The following KAZN variants were observed in gnomAD, a reference collection of about 807,000 sequenced individuals.
KAZN encodes kazrin.
In KAZN, 40 loss-of-function variants were observed where a neutral mutation model predicts 87.4. The observed-to-expected ratio is 0.46, with a 90% CI of 0.36 to 0.60. The LOEUF (loss-of-function observed/expected upper bound fraction) is 0.60, where lower values mean the gene tolerates loss of function less well. Among genes scored for constraint, KAZN ranks in the 20% least tolerant of loss-of-function variants. The pLI, the probability that KAZN is intolerant of heterozygous loss-of-function variation, is 0.00. For missense variants in KAZN, 898 were observed against 1,073.9 expected (o/e 0.84, Z 2.29); for synonymous variants, 466 against 458.3 (o/e 1.02, Z -0.22).
At position 15,096,081 on chromosome 1, in the gene KAZN, C is replaced by T. The variant is rs1199321289; in HGVS notation, c.1547+1148C>T. Among the ~76,000 whole-genome samples, 1 of 152,122 alleles carries T rather than the reference C, an allele frequency of 6.6e-6. No individual in the cohort carries two copies. Among genetic ancestry groups the T allele is most frequent in the Non-Finnish European group, 1.5e-5 (1 of 68,022 alleles). ...TCCCAAAAACACCTTACACCCAGCA[C>T]CCACCTCCTAACCAGTTCCATCCAG... On this transcript the variant is annotated intron_variant, in intron 10 of 14. Coordinates refer to ENST00000376030, the MANE Select transcript of KAZN (RefSeq NM_201628.3). The surrounding 1 kb of genome is among the most constrained non-coding windows in gnomAD (Gnocchi z 4.5).
intron 2 of KAZN, among the ~76,000 whole-genome samples, chr1:14,544,614 G>A (rs1488818815): frequency 1.3e-5 from 2 of 151,826 alleles, no homozygotes; most frequent in Non-Finnish European, 2.9e-5. Context: ...TGTGCCAGAG[G>A]TGGTATGGGC....
chr1:14,384,712 G>C (rs76976235), intron 2 of KAZN, among the ~76,000 whole-genome samples: 45,965 of 149,556 alleles, frequency 0.31, 7,845 homozygotes, highest in East Asian at 0.71. Context: ...GCTGGATTCG[G>C]TTTGCCAGTA....
Position 14,729,856 on chromosome 1 carries a change from GA to G in KAZN, c.226+130639del, listed in dbSNP as rs914257138. Among the ~76,000 whole-genome samples, 3 of 151,992 alleles carry G rather than the reference GA, an allele frequency of 2.0e-5. No homozygotes were observed. The East Asian group carries it at 5.8e-4, about 29-fold the overall frequency. On this transcript the variant is annotated intron_variant, in intron 1 of 14. Coordinates refer to ENST00000376030, the MANE Select transcript of KAZN (RefSeq NM_201628.3). Reference sequence around the variant, plus strand: ...GTTTGTTTACATTTTTTAATGGTTGGAAAAAATCAAAAGAGGCATATCTACC... The same window carrying G: ...GTTTGTTTACATTTTTTAATGGTTGGAAAAATCAAAAGAGGCATATCTACC...
chr1:14,804,237 GT>G (rs1557507302), intron 1 of KAZN, among the ~76,000 whole-genome samples: 1 of 152,202 alleles, frequency 6.6e-6, no homozygotes, highest in Non-Finnish European at 1.5e-5. Flanking sequence ...GGAAACAAAC[GT>G]AAGCAAAGTG....
At position 15,066,577 on chromosome 1, in the gene KAZN, G is replaced by T. The variant is rs902665059; in HGVS notation, c.1222+824G>T. 41 of 984,134 alleles carry T rather than the reference G, an allele frequency of 4.2e-5. No individual in the cohort carries two copies. The highest frequency in any genetic ancestry group is 4.5e-5 in the Non-Finnish European group (37 of 828,912). The allele number at this position is 984,134 out of a possible 1,614,324, so 61.0% of individuals were successfully genotyped here. A position where few individuals can be genotyped will look rare whatever the true frequency, so the allele number is the denominator to read the frequency against. The stretch of plus-strand genomic sequence containing the variant: ...TTCTTTATGAAAAAAAAGAAAAAAA[G>T]AAAATTGTTTCATTTAATTTATTTG... On this transcript the variant is annotated intron_variant, in intron 8 of 14. Coordinates refer to ENST00000376030, the MANE Select transcript of KAZN (RefSeq NM_201628.3). This position sits in a 1 kb window ranked among gnomAD's most constrained non-coding sequence, Gnocchi z 4.3.
chr1:14,450,665 G>C (rs772186803), intron 2 of KAZN, among the ~76,000 whole-genome samples: 1 of 152,170 alleles, frequency 6.6e-6, no homozygotes, highest in Non-Finnish European at 1.5e-5. Context: ...TGTGACGATG[G>C]TGGGGCGTGG....
rs550795273 is a variant in KAZN, at chr1:15,034,821, C to G, written c.491C>G (p.Ala164Gly). ...GTGAGCCAGATGCAGCAGCTGTATGCCACACTGGAGAGCCGCGAGGAGCAG... is the reference window on the plus strand; with the variant it reads ...GTGAGCCAGATGCAGCAGCTGTATGGCACACTGGAGAGCCGCGAGGAGCAG... ...DLVSQMQQLY[A>G]TLESREEQLR... The change falls in exon 3 of 15, where the codon GCC (alanine) becomes GGC (glycine). Residue 164 changes from alanine to glycine, a missense_variant. By Grantham distance (60) the Ala-to-Gly change is moderately conservative (BLOSUM62 0). Coordinates refer to ENST00000376030, the MANE Select transcript of KAZN (RefSeq NM_201628.3). 2.5e-6 allele frequency: 4 copies of G among 1,614,096 alleles called. No individual in the cohort carries two copies. The East Asian group carries it at 6.7e-5, about 27-fold the overall frequency.
chr1:15,038,822 T>C (rs1399092749), intron 3 of KAZN, among the ~76,000 whole-genome samples: 2 of 99,154 alleles, frequency 2.0e-5, no homozygotes, highest in African/African-American at 9.3e-5. Flanking sequence ...GTGCACCTAC[T>C]ATATACAGAC....
intron 2 of KAZN, among the ~76,000 whole-genome samples, chr1:14,474,579 T>G (rs1205926730): frequency 6.6e-6 from 1 of 152,102 alleles, no homozygotes; most frequent in African/African-American, 2.4e-5. Context: ...GTGTGAGAGG[T>G]GGTCGGAAGG....
chr1:14,038,342 G>C (rs888878879), intron 1 of KAZN, among the ~76,000 whole-genome samples: 11 of 152,178 alleles, frequency 7.2e-5, no homozygotes, highest in Non-Finnish European at 1.6e-4. Context: ...GATTCGGAGA[G>C]TGAAGAAGTT....
chr1:15,077,889 AC>A lies in KAZN; in HGVS notation c.1222+12137del, dbSNP rs961390473. Among the ~76,000 whole-genome samples the A allele has an allele frequency of 9.8e-5, 15 of 152,300 alleles. No individual in the cohort carries two copies. The highest frequency in any genetic ancestry group is 9.1e-4 in the Admixed American group (14 of 15,306). ...AAGCTAATATGACTTGCTGACATTT[AC>A]TAAGTGCCTACTGTGCCAGGCATGG... is the stretch of plus-strand genomic sequence containing the variant. On this transcript the variant is annotated intron_variant, in intron 8 of 14. Transcript: ENST00000376030. This position sits in a 1 kb window ranked among gnomAD's most constrained non-coding sequence, Gnocchi z 4.8.
intron 13 of KAZN, among the ~76,000 whole-genome samples, chr1:15,110,549 T>TTGTGTGTGTGTGTGTGTG (rs71000365): frequency 9.5e-4 from 140 of 148,074 alleles, no homozygotes; most frequent in Middle Eastern, 3.5e-3. Flanking sequence ...GCATATGTGT[T>TTGTGTGTGTGTGTGTGTG]TGTGTGTGTG....
intron 2 of KAZN, among the ~76,000 whole-genome samples, chr1:14,490,500 T>A (rs1288854942): frequency 1.3e-5 from 2 of 152,154 alleles, no homozygotes; most frequent in Non-Finnish European, 2.9e-5. Context: ...TTTGTTTGTT[T>A]GTTTGTTTTT....
intron 2 of KAZN, among the ~76,000 whole-genome samples, chr1:14,487,416 C>G (rs1016638407): frequency 6.6e-6 from 1 of 152,220 alleles, no homozygotes; most frequent in Non-Finnish European, 1.5e-5. Flanking sequence ...AAATCTCCCT[C>G]TACCCACCTC....
chr1:15,060,059 C>T, intron 5 of KAZN, 113 bp from the exon 6 acceptor site: 4 of 1,384,282 alleles, frequency 2.9e-6, no homozygotes, highest in East Asian at 2.4e-5. Context: ...CCCTTCTCTA[C>T]ACCTCAGTGT....
intron 8 of KAZN, among the ~76,000 whole-genome samples, chr1:15,073,014 G>C (rs1308878730): frequency 6.6e-6 from 1 of 152,198 alleles, no homozygotes; most frequent in South Asian, 2.1e-4. Flanking sequence ...GAACCCCGAA[G>C]GGGTTCCTCA....
At chr1:14,422,389 A>C (rs900703858) in intron 2 of KAZN, among the ~76,000 whole-genome samples, 7 of 152,218 alleles carry the variant, frequency 4.6e-5, no homozygotes, top group Non-Finnish European at 1.0e-4. Flanking sequence ...AGCACAGGCA[A>C]ACTACGTAGG....
chr1:14,669,651 A>G (rs742583), intron 1 of KAZN, among the ~76,000 whole-genome samples: 38,968 of 151,990 alleles, frequency 0.26, 5,287 homozygotes, highest in South Asian at 0.37. Flanking sequence ...GGAGGCTGGG[A>G]TGGGAGGATC....
At chr1:14,988,312 C>T (rs1357746744) in intron 2 of KAZN, among the ~76,000 whole-genome samples, 1 of 152,258 alleles carries the variant, frequency 6.6e-6, no homozygotes, top group Admixed American at 6.5e-5. Context: ...ACGCGCCCCT[C>T]CCCTGCGGGC....
Sources: gnomAD v4.1 joint callset for allele counts (sites outside exome capture counted in the v4.1 genomes callset) on GRCh38, gnomAD v4.1.1 for gene constraint, Gnocchi (gnomAD v3.1) non-coding constraint, MANE v1.5 for transcripts, NCBI Gene and HGNC (gene_info 2026-07-23, HGNC 2026-07-21) for gene names.